The following DNAI3 variants were observed in gnomAD, a reference collection of about 807,000 sequenced individuals.
DNAI3 encodes WD repeat domain 63.
Under a neutral mutation model 115.5 loss-of-function variants are expected in DNAI3, and 83 were observed. The observed-to-expected ratio is 0.72, with a 90% CI of 0.60 to 0.86. The LOEUF (loss-of-function observed/expected upper bound fraction) is 0.86, where lower values mean the gene tolerates loss of function less well. Among genes scored for constraint, DNAI3 ranks in the 40% least tolerant of loss-of-function variants. The pLI is 0.00. For synonymous variants in DNAI3, 320 were observed against 347.0 expected, an observed-to-expected ratio of 0.92 and a Z score of 0.86; for missense variants, 1,004 against 1,075.8, an observed-to-expected ratio of 0.93 and a Z score of 0.93.
In DNAI3 at chr1:85,124,252, G is replaced by C. The variant is rs1344305974; in HGVS notation, c.2112+1G>C. On this transcript the variant is annotated splice_donor_variant, in intron 19 of 22. Coordinates refer to ENST00000294664, the MANE Select transcript of DNAI3 (RefSeq NM_145172.5). LOFTEE classifies it high-confidence loss of function. ...GGCCATATGGAAAGAAGGTGTTATG[G>C]TAAGTTGCCTGCAAAATGGAAGCAT... The C allele has an allele frequency of 1.3e-6, 2 of 1,543,084 alleles. No individual in the cohort carries two copies. Among genetic ancestry groups the C allele is most frequent in the East Asian group, 4.6e-5 (2 of 43,158 alleles).
intron 17 of DNAI3, 96 bp from the exon 18 acceptor site, chr1:85,121,655 T>G: frequency 1.8e-6 from 2 of 1,124,842 alleles, no homozygotes; most frequent in Admixed American, 2.2e-5. Flanking sequence ...TTGTTTTGCA[T>G]TTGTTTTGCT....
At chr1:85,110,188 A>G (rs1373319795) in intron 16 of DNAI3, 53 bp downstream of exon 16, 32 of 1,527,322 alleles carry the variant, frequency 2.1e-5, no homozygotes, top group Non-Finnish European at 2.7e-5. Context: ...GCGGTGGCTC[A>G]CGCCTGTAAT....
rs1490194688 is a variant in DNAI3 at position 85,117,765 on chromosome 1, A to G, written c.1823A>G (p.Glu608Gly). Residue 608 changes from glutamate (E) to glycine (G), a missense_variant, in exon 17 of 23, where the codon GAA (glutamate) becomes GGA (glycine). By Grantham distance (98) the Glu-to-Gly change is moderately conservative. This residue lies in a region of DNAI3 where 429 missense variants were observed against 454.3 expected (regional missense o/e 0.94). Transcript: ENST00000294664. Reference protein sequence around the residue: ...MLAQSKTEKAEEMNPYHNLES... With the variant: ...MLAQSKTEKAGEMNPYHNLES... ...GCACAGAGCAAAACAGAGAAGGCAG[A>G]AGAAATGAACCCGTATCATAATCTG... The G allele has an allele frequency of 6.2e-7, 1 of 1,613,814 alleles. No individual in the cohort carries two copies. Among genetic ancestry groups the G allele is most frequent in the African/African-American group, 1.3e-5 (1 of 74,940 alleles).
chr1:85,119,162 T>G (rs925633146), intron 17 of DNAI3, among the ~76,000 whole-genome samples: 2 of 152,218 alleles, frequency 1.3e-5, no homozygotes, highest in African/African-American at 4.8e-5. Context: ...AAATTAATCA[T>G]CTTAGCCATT....
intron 12 of DNAI3, among the ~76,000 whole-genome samples, chr1:85,097,928 CA>C (rs1269316800): frequency 6.6e-6 from 1 of 152,114 alleles, no homozygotes; most frequent in Non-Finnish European, 1.5e-5. Flanking sequence ...ATGAAGGGAC[CA>C]AGTGACTTGC....
chr1:85,130,009 AT>A lies in DNAI3; in HGVS notation c.2433del (p.Phe811LeufsTer11), dbSNP rs757743260. The stretch of plus-strand genomic sequence containing the variant: ...TAACAGATGGCAAGTGTCAACCACT[AT>A]TTTGAAAGAGAAGTCAAGCATCTGG... ...STNEMASVNH[Y>X]FEREVKHLEY... On this transcript the variant is annotated frameshift_variant, in exon 22 of 23. Transcript: ENST00000294664. LOFTEE classifies it high-confidence loss of function. 1 of 1,612,988 alleles carries A rather than the reference AT, an allele frequency of 6.2e-7. No individual in the cohort carries two copies. Among genetic ancestry groups the A allele is most frequent in the Non-Finnish European group, 8.5e-7 (1 of 1,179,580 alleles).
rs1656391024 is a variant in DNAI3 at position 85,133,079 on chromosome 1, T to C, written c.*81T>C. On this transcript the variant is annotated 3_prime_UTR_variant, in exon 23 of 23. Transcript: ENST00000294664. ...CAGGTGAACTGGCATGCTGAACATA[T>C]ATATATATAGGCTCATTTATAGACT... 1.4e-6 allele frequency: 2 copies of C among 1,432,998 alleles called. No homozygotes were observed. The highest frequency in any genetic ancestry group is 2.8e-5 in the South Asian group (2 of 71,650). The allele number at this position is 1,432,998 out of a possible 1,614,324, so 88.8% of individuals were successfully genotyped here.
At chr1:85,073,250 A>T (rs918946378) in intron 3 of DNAI3, among the ~76,000 whole-genome samples, 158 bp downstream of exon 3, 2 of 152,174 alleles carry the variant, frequency 1.3e-5, no homozygotes, top group African/African-American at 4.8e-5. Flanking sequence ...AAAAATTTTT[A>T]AAAGAAAAAA....
intron 3 of DNAI3, among the ~76,000 whole-genome samples, chr1:85,073,577 A>C (rs1275292714): frequency 6.6e-6 from 1 of 152,140 alleles, no homozygotes; most frequent in Non-Finnish European, 1.5e-5. Flanking sequence ...GGTGGGATGG[A>C]GGGGGAACCT....
intron 21 of DNAI3, among the ~76,000 whole-genome samples, 190 bp downstream of exon 21, chr1:85,128,989 T>C (rs1656234173): frequency 1.3e-5 from 2 of 152,294 alleles, no homozygotes; most frequent in East Asian, 3.9e-4. Context: ...GCCCCAAACA[T>C]GACATGGGAG....
At chr1:85,128,891 G>A (rs1656231471) in intron 21 of DNAI3, 92 bp downstream of exon 21, 2 of 1,143,098 alleles carry the variant, frequency 1.7e-6, no homozygotes, top group East Asian at 2.4e-5. Flanking sequence ...CAGCATTTTT[G>A]CTCTGTAAGG....
intron 18 of DNAI3, among the ~76,000 whole-genome samples, chr1:85,123,760 G>T (rs1656053616): frequency 6.6e-6 from 1 of 152,154 alleles, no homozygotes; most frequent in Non-Finnish European, 1.5e-5. Flanking sequence ...CTCCTTGGGG[G>T]CAAAATCATG....
At chr1:85,121,680 A>G (rs978259858) in intron 17 of DNAI3, 71 bp from the exon 18 acceptor site, 1 of 1,390,358 alleles carries the variant, frequency 7.2e-7, no homozygotes, top group Non-Finnish European at 1.0e-6. Context: ...AGTCAATCTT[A>G]GCACATGAGT....
intron 17 of DNAI3, among the ~76,000 whole-genome samples, chr1:85,119,204 C>T (rs709776): frequency 0.2 from 30,495 of 152,132 alleles, 3,365 homozygotes; most frequent in African/African-American, 0.3. Context: ...TATTAAGAAA[C>T]TCCTTTCCCA....
intron 13 of DNAI3, among the ~76,000 whole-genome samples, chr1:85,099,833 C>G (rs1655237050): frequency 6.6e-6 from 1 of 152,276 alleles, no homozygotes; most frequent in East Asian, 1.9e-4. Context: ...CTACAACCAT[C>G]TGATCTTTGA....
In DNAI3 at chr1:85,093,608, G is replaced by A; in HGVS notation, c.1008G>A (p.Glu336=). ...QSFTDLHSPT[E]KMITCVSWHP... The stretch of plus-strand genomic sequence containing the variant: ...TTACCGACCTTCATAGCCCAACGGA[G>A]AAAATGATTACCTGTGTCTCATGGC... The change falls in exon 9 of 23, where the codon GAG becomes GAA. Residue 336 remains glutamate (E), a synonymous_variant. Coordinates refer to ENST00000294664, the MANE Select transcript of DNAI3 (RefSeq NM_145172.5). The A allele has an allele frequency of 1.2e-6, 2 of 1,614,176 alleles. No individual in the cohort carries two copies. Among genetic ancestry groups the A allele is most frequent in the Non-Finnish European group, 1.7e-6 (2 of 1,180,026 alleles).
chr1:85,091,301 A>G (rs1376148056), intron 8 of DNAI3, among the ~76,000 whole-genome samples: 2 of 152,246 alleles, frequency 1.3e-5, no homozygotes, highest in Non-Finnish European at 2.9e-5. Context: ...AAAATGTTCA[A>G]AATAAATCCA....
intron 14 of DNAI3, among the ~76,000 whole-genome samples, chr1:85,104,936 A>G (rs913099831): frequency 1.3e-5 from 2 of 152,208 alleles, no homozygotes; most frequent in African/African-American, 4.8e-5. Context: ...TAATTGGGAA[A>G]GCCTCTTTTT....
intron 19 of DNAI3, 122 bp from the exon 20 acceptor site, chr1:85,126,389 G>A: frequency 1.0e-6 from 1 of 961,258 alleles, no homozygotes. Context: ...CTTCCTGTGG[G>A]CATAATTTTG....
Sources: gnomAD v4.1 joint callset for allele counts (sites outside exome capture counted in the v4.1 genomes callset) on GRCh38, gnomAD v4.1.1 for gene constraint, gnomAD v4.1.1 regional missense constraint, MANE v1.5 for transcripts, NCBI Gene and HGNC (gene_info 2026-07-23, HGNC 2026-07-21) for gene names.